The following DNAAF11 variants were observed in gnomAD, a reference collection of about 807,000 sequenced individuals.
The protein encoded by DNAAF11 is dynein axonemal assembly factor 11.
Under a neutral mutation model 60.8 loss-of-function variants are expected in DNAAF11, and 45 were observed. The observed-to-expected ratio is 0.74, with a 90% confidence interval of 0.58 to 0.95. The LOEUF is 0.95. Ranked by LOEUF, DNAAF11 falls within the 40% of genes least tolerant of loss-of-function variation. The pLI is 0.00. For synonymous variants in DNAAF11, 191 were observed against 183.5 expected, an observed-to-expected ratio of 1.04 and a Z score of -0.33; for missense variants, 546 against 546.2, an observed-to-expected ratio of 1.00 and a Z score of 0.00.
intron 4 of DNAAF11, among the ~76,000 whole-genome samples, chr8:132,636,314 G>A (rs765968975): frequency 6.6e-5 from 10 of 152,138 alleles, no homozygotes; most frequent in Admixed American, 1.3e-4. Context: ...AATTTAACCC[G>A]GAGAGAAGCA....
chr8:132,638,324 TGA>T (rs1821514408), intron 3 of DNAAF11, among the ~76,000 whole-genome samples: 1 of 152,216 alleles, frequency 6.6e-6, no homozygotes, highest in African/African-American at 2.4e-5. Flanking sequence ...TTTCACCGTC[TGA>T]GTCCTTCCAG....
Position 132,651,852 on chromosome 8 carries a change from A to G in DNAAF11, c.256+4978T>C, listed in dbSNP as rs146418312. 4.4e-3 allele frequency among the ~76,000 whole-genome samples: 674 copies of G among 152,322 alleles called. 9 individuals are homozygous for G. The highest frequency in any genetic ancestry group is 0.015 in the African/African-American group (644 of 41,576). The stretch of plus-strand genomic sequence containing the variant: ...GTTCACAGGAGAACAGGGCCGTAAA[A>G]CGTTAGCTGGGAGAGAGCAATGACT... On this transcript the variant is annotated intron_variant, in intron 3 of 11. Coordinates refer to ENST00000620350, the MANE Select transcript of DNAAF11 (RefSeq NM_012472.6).
At chr8:132,609,090 G>A (rs1308786930) in intron 10 of DNAAF11, among the ~76,000 whole-genome samples, 1 of 152,118 alleles carries the variant, frequency 6.6e-6, no homozygotes. Context: ...CTTGGGCAAA[G>A]TTGACCCTAC....
At chr8:132,692,514 G>A in the DNAAF11 span, among the ~76,000 whole-genome samples, 2 of 152,198 alleles carry the variant, frequency 1.3e-5, no homozygotes, top group Non-Finnish European at 2.9e-5. Flanking sequence ...TGTTAGCACT[G>A]AGAGATTTTG....
chr8:132,578,655 G>A lies in DNAAF11; in HGVS notation c.1226+5039C>T, dbSNP rs535957166. The A allele has an allele frequency of 1.6e-5, 9 of 572,112 alleles. No individual in the cohort carries two copies. In the South Asian group the frequency reaches 2.3e-4, roughly 14 times the overall value. 35.4% of individuals were successfully genotyped at this position (572,112 alleles called of 1,614,324 possible). A position where few individuals can be genotyped will look rare whatever the true frequency, so the allele number is the denominator to read the frequency against. Reference sequence around the variant, plus strand: ...AAACATAAAGAAAGAACTTTTTTCTGGTTTCCTAGTAAGCTAGCATATTTG... The same window carrying A: ...AAACATAAAGAAAGAACTTTTTTCTAGTTTCCTAGTAAGCTAGCATATTTG... On this transcript the variant is annotated intron_variant, in intron 11 of 11. Coordinates refer to ENST00000620350, the MANE Select transcript of DNAAF11 (RefSeq NM_012472.6).
At chr8:132,653,476 T>C (rs1311038310) in intron 3 of DNAAF11, among the ~76,000 whole-genome samples, 1 of 152,142 alleles carries the variant, frequency 6.6e-6, no homozygotes, top group Non-Finnish European at 1.5e-5. Flanking sequence ...AAGGTAACTA[T>C]ATAGGTAAAT....
chr8:132,594,522 C>T (rs1052384429), intron 10 of DNAAF11, among the ~76,000 whole-genome samples: 5 of 152,262 alleles, frequency 3.3e-5, no homozygotes, highest in East Asian at 1.9e-4. Flanking sequence ...TGTCCCCACC[C>T]AAATATCATC....
At chr8:132,588,541 C>T (rs1418450340) in intron 10 of DNAAF11, among the ~76,000 whole-genome samples, 1 of 152,012 alleles carries the variant, frequency 6.6e-6, no homozygotes, top group African/African-American at 2.4e-5. Flanking sequence ...CTGATCATCT[C>T]ATGAGGGAGA....
At chr8:132,578,631 A>C in intron 11 of DNAAF11, 1 of 633,954 alleles carries the variant, frequency 1.6e-6, no homozygotes, top group Non-Finnish European at 2.6e-6. Context: ...TTTATCAAAA[A>C]ACATAAAGAA....
At chr8:132,700,058 C>G in the DNAAF11 span, among the ~76,000 whole-genome samples, 1 of 152,124 alleles carries the variant, frequency 6.6e-6, no homozygotes, top group Non-Finnish European at 1.5e-5. Context: ...AACACTGCAA[C>G]TGTACTAAAT....
intron 4 of DNAAF11, among the ~76,000 whole-genome samples, chr8:132,636,633 T>C (rs1821325153): frequency 6.6e-6 from 1 of 152,156 alleles, no homozygotes; most frequent in South Asian, 2.1e-4. Context: ...GCGGTGGCCA[T>C]GAGGACTCCT....
chr8:132,696,822 A>C, the DNAAF11 span, among the ~76,000 whole-genome samples: 2 of 152,180 alleles, frequency 1.3e-5, no homozygotes, highest in Non-Finnish European at 2.9e-5. Flanking sequence ...TCTCACTGAT[A>C]AGTGGGAACT....
chr8:132,621,971 A>T (rs945740287), intron 7 of DNAAF11, among the ~76,000 whole-genome samples: 15 of 152,182 alleles, frequency 9.9e-5, no homozygotes, highest in African/African-American at 3.6e-4. Context: ...GATGACAGAA[A>T]ATAGGTTTGA....
the DNAAF11 span, among the ~76,000 whole-genome samples, chr8:132,688,481 A>G: frequency 6.6e-6 from 1 of 152,136 alleles, no homozygotes; most frequent in African/African-American, 2.4e-5. Flanking sequence ...GCCAATAACA[A>G]TTCTGCCTTT....
At chr8:132,653,252 G>A (rs1190427080) in intron 3 of DNAAF11, among the ~76,000 whole-genome samples, 1 of 151,910 alleles carries the variant, frequency 6.6e-6, no homozygotes, top group Non-Finnish European at 1.5e-5. Context: ...AAGAAGAAAT[G>A]GTAAAAATGT....
At chr8:132,606,007 A>ACTTGGT in intron 10 of DNAAF11, among the ~76,000 whole-genome samples, 1 of 152,154 alleles carries the variant, frequency 6.6e-6, no homozygotes, top group South Asian at 2.1e-4. Context: ...GGGAAGAGTA[A>ACTTGGT]CTTGGTCTGA....
At chr8:132,656,028 T>C (rs1586710730) in intron 3 of DNAAF11, among the ~76,000 whole-genome samples, 2 of 152,180 alleles carry the variant, frequency 1.3e-5, no homozygotes, top group African/African-American at 4.8e-5. Context: ...TGTGCACATG[T>C]ACACAAAGTA....
In DNAAF11 at chr8:132,583,718, C is replaced by T; in HGVS notation, c.1202G>A (p.Arg401Lys). The T allele has an allele frequency of 6.2e-7, 1 of 1,613,720 alleles. No homozygotes were observed. Residue 401 changes from arginine to lysine, a missense_variant, in exon 11 of 12, where the codon AGG (arginine) becomes AAG (lysine). Coordinates refer to ENST00000620350, the MANE Select transcript of DNAAF11 (RefSeq NM_012472.6). ...AFKSMKTTSD[R>K]SREQTNTRSK... The stretch of plus-strand genomic sequence containing the variant: ...CCTTGTATTTGTTTGTTCTCTGCTC[C>T]TGTCCGAGGTAGTTTTCATAGATTT...
At chr8:132,620,946 CA>C (rs1388627738) in intron 7 of DNAAF11, among the ~76,000 whole-genome samples, 2 of 152,110 alleles carry the variant, frequency 1.3e-5, no homozygotes, top group African/African-American at 4.8e-5. Flanking sequence ...TCTGGTGGAT[CA>C]CCTACATGTT....
Sources: allele counts gnomAD v4.1 joint callset (sites outside exome capture counted in the v4.1 genomes callset), GRCh38; gene constraint gnomAD v4.1.1; transcripts MANE v1.5; gene names NCBI Gene and HGNC (gene_info 2026-07-23, HGNC 2026-07-21).